The following LARP4B variants were observed in gnomAD, a reference collection of about 807,000 sequenced individuals.
The protein encoded by LARP4B is La ribonucleoprotein 4B.
In LARP4B, 12 loss-of-function variants were observed where a neutral mutation model predicts 89.8. That is an observed-to-expected ratio of 0.13 (90% CI 0.09 to 0.22). The LOEUF (loss-of-function observed/expected upper bound fraction) is 0.22, where lower values mean the gene tolerates loss of function less well. Among genes scored for constraint, LARP4B ranks in the 10% least tolerant of loss-of-function variants. The pLI is 1.00. For missense variants in LARP4B, 757 were observed against 947.7 expected (o/e 0.80, Z 2.64); for synonymous variants, 367 against 363.3 (o/e 1.01, Z -0.12).
intron 1 of LARP4B, among the ~76,000 whole-genome samples, chr10:918,193 G>A (rs78497251): frequency 1.6e-4 from 24 of 152,258 alleles, no homozygotes; most frequent in African/African-American, 5.8e-4. Context: ...TCCCAGCACC[G>A]TCATACATCA....
At chr10:965,399 C>T in the LARP4B span, among the ~76,000 whole-genome samples, 31 of 152,078 alleles carry the variant, frequency 2.0e-4, no homozygotes, top group African/African-American at 6.8e-4. Flanking sequence ...CACCTCTGTG[C>T]GGCTCCTGGG....
At chr10:808,291 C>T (rs1351673057), downstream of LARP4B, 2 of 152,206 alleles carry the variant, frequency 1.3e-5, no homozygotes, top group African/African-American at 2.4e-5. Context: ...AGAGAAGACA[C>T]AAAATATACT....
At chr10:844,470 T>C (rs572087197) in intron 6 of LARP4B, among the ~76,000 whole-genome samples, 2 of 152,284 alleles carry the variant, frequency 1.3e-5, no homozygotes, top group African/African-American at 2.4e-5. Flanking sequence ...GAAAACCTTA[T>C]ACACGGCCCA....
the LARP4B span, among the ~76,000 whole-genome samples, chr10:953,570 GCAC>G: frequency 1.4e-5 from 2 of 142,328 alleles, no homozygotes; most frequent in Non-Finnish European, 3.0e-5. Flanking sequence ...GGAAGAAATC[GCAC>G]CAGTCCAGAA....
At chr10:932,417 AG>A (rs1356641527), upstream of LARP4B, among the ~76,000 whole-genome samples, 1,960 of 94,498 alleles carry the variant, frequency 0.021, 3 homozygotes, top group Non-Finnish European at 0.03. Context: ...CCCGGGACCA[AG>A]GCCCCGGCCC....
the LARP4B span, among the ~76,000 whole-genome samples, chr10:952,285 A>G: frequency 2.2e-5 from 3 of 137,550 alleles, no homozygotes; most frequent in Non-Finnish European, 3.1e-5. Context: ...GCTTGCAGTG[A>G]GCTGAGATCA....
intron 3 of LARP4B, among the ~76,000 whole-genome samples, chr10:878,152 C>T (rs1223916907): frequency 1.3e-5 from 2 of 152,170 alleles, no homozygotes; most frequent in African/African-American, 2.4e-5. Context: ...CAGAGGAGAG[C>T]CAGTGGGCAG....
rs1288059962 is a variant in LARP4B at position 812,071 on chromosome 10, G to A, written c.*855C>T. ...GATGTGGACTCTCTCCAACCAGAGT[G>A]CTGGGGAACACGGACAGAAATGTGC... On this transcript the variant is annotated 3_prime_UTR_variant, in exon 18 of 18. Coordinates refer to ENST00000316157, the MANE Select transcript of LARP4B (RefSeq NM_015155.3). The A allele has an allele frequency of 6.5e-6, 1 of 152,688 alleles. No individual in the cohort carries two copies. The highest frequency in any genetic ancestry group is 2.4e-5 in the African/African-American group (1 of 41,458). 9.5% of individuals were successfully genotyped at this position (152,688 alleles called of 1,614,324 possible).
intron 1 of LARP4B, among the ~76,000 whole-genome samples, chr10:900,372 A>G (rs1260545991): frequency 1.3e-5 from 2 of 151,064 alleles, no homozygotes; most frequent in Non-Finnish European, 2.9e-5. Context: ...AAAAATGATA[A>G]TAATAAAAAG....
At chr10:975,073 A>G in the LARP4B span, among the ~76,000 whole-genome samples, 1 of 152,222 alleles carries the variant, frequency 6.6e-6, no homozygotes, top group African/African-American at 2.4e-5. Flanking sequence ...AGCAGATCAA[A>G]CCAGCACACA....
intron 3 of LARP4B, among the ~76,000 whole-genome samples, chr10:878,695 T>C (rs1835553539): frequency 6.6e-6 from 1 of 152,340 alleles, no homozygotes; most frequent in East Asian, 1.9e-4. Flanking sequence ...AGGCAGCCAG[T>C]TGCCAGGCAG....
chr10:837,700 C>T (rs916095260), intron 7 of LARP4B, among the ~76,000 whole-genome samples: 1 of 152,234 alleles, frequency 6.6e-6, no homozygotes, highest in African/African-American at 2.4e-5. Context: ...GGTGCTGCAA[C>T]AGATGCACAC....
intron 5 of LARP4B, among the ~76,000 whole-genome samples, chr10:863,538 T>C (rs1018852607): frequency 6.6e-6 from 1 of 152,112 alleles, no homozygotes; most frequent in African/African-American, 2.4e-5. Flanking sequence ...CCAGGTTTCA[T>C]CTTTTGAGAC....
At chr10:844,357 A>G (rs1833672915) in intron 6 of LARP4B, among the ~76,000 whole-genome samples, 1 of 152,074 alleles carries the variant, frequency 6.6e-6, no homozygotes, top group African/African-American at 2.4e-5. Context: ...AGCCCCTCAC[A>G]CCTCCACCTC....
Position 810,980 on chromosome 10 carries a change from A to G in LARP4B, c.*1946T>C, listed in dbSNP as rs1030445971. ...TCATGCTTAGCTGCAGGTGATTTAA[A>G]TTAGATTACTAGTCACCTTCACTTA... On this transcript the variant is annotated 3_prime_UTR_variant, in exon 18 of 18. Transcript: ENST00000316157. 1.3e-5 allele frequency: 2 copies of G among 152,216 alleles called. No individual in the cohort carries two copies. The highest frequency in any genetic ancestry group is 4.8e-5 in the African/African-American group (2 of 41,448). The allele number at this position is 152,216 out of a possible 1,614,324, so 9.4% of individuals were successfully genotyped here.
chr10:893,094 A>C (rs1836084657), intron 1 of LARP4B, among the ~76,000 whole-genome samples: 1 of 146,924 alleles, frequency 6.8e-6, no homozygotes, highest in East Asian at 2.0e-4. Flanking sequence ...TTTTTTTCCC[A>C]GTAGAGACGG....
the LARP4B span, among the ~76,000 whole-genome samples, chr10:976,593 G>A: frequency 9.4e-4 from 138 of 146,798 alleles, no homozygotes; most frequent in Non-Finnish European, 1.2e-3. Context: ...TAGGCCTGCC[G>A]TGTAATGTGT....
intron 5 of LARP4B, 141 bp downstream of exon 5, chr10:863,602 C>T (rs1292536711): frequency 1.1e-6 from 1 of 897,706 alleles, no homozygotes; most frequent in Non-Finnish European, 1.6e-6. Context: ...TTCTCTGCAT[C>T]CACATAAGGG....
At chr10:913,382 G>A (rs921033370) in intron 1 of LARP4B, among the ~76,000 whole-genome samples, 1 of 152,262 alleles carries the variant, frequency 6.6e-6, no homozygotes, top group East Asian at 1.9e-4. Context: ...TAATTAACCA[G>A]CTTAAAGAAA....
Sources: gnomAD v4.1 joint callset for allele counts (sites outside exome capture counted in the v4.1 genomes callset) on GRCh38, gnomAD v4.1.1 for gene constraint, MANE v1.5 for transcripts, NCBI Gene and HGNC (gene_info 2026-07-23, HGNC 2026-07-21) for gene names.